Variants in CCDC40 observed in about 807,000 individuals in gnomAD.
CCDC40 encodes the protein coiled-coil domain-containing protein 40.
Under a neutral mutation model 124.5 loss-of-function variants are expected in CCDC40, and 104 were observed. The observed-to-expected ratio is 0.84, with a 90% CI of 0.71 to 0.98. The LOEUF (loss-of-function observed/expected upper bound fraction) is 0.98, where lower values mean the gene tolerates loss of function less well. Ranked by LOEUF, CCDC40 falls within the 50% of genes least tolerant of loss-of-function variation. The pLI is 0.00. For synonymous variants in CCDC40, 580 were observed against 602.9 expected (o/e 0.96, Z 0.56); for missense variants, 1,463 against 1,503.9 (o/e 0.97, Z 0.45).
At position 80,086,103 on chromosome 17, in the gene CCDC40, G is replaced by A. The variant is rs183809462; in HGVS notation, c.2336G>A (p.Arg779His). The A allele has an allele frequency of 8.3e-4, 1,343 of 1,614,142 alleles. 7 individuals carry two copies. In the African/African-American group the frequency reaches 0.012, roughly 15 times the overall value. Residue 779 changes from arginine (R) to histidine (H), a missense_variant, in exon 14 of 20, where the codon CGC (arginine) becomes CAC (histidine). By Grantham distance (29) the Arg-to-His change is conservative (BLOSUM62 0). Transcript: ENST00000397545. This position sits in a 1 kb window ranked among gnomAD's most constrained non-coding sequence, Gnocchi z 5.5. ...KAVQAQVTWL[R>H]LQQEMVKVTQ... ...GTCCAGGCCCAGGTGACCTGGCTGC[G>A]CCTGCAGCAGGAGATGGTCAAGGTG...
intron 19 of CCDC40, among the ~76,000 whole-genome samples, chr17:80,098,248 GGCGGCCCAGACTGTGT>G (rs1377130878): frequency 2.0e-5 from 3 of 152,228 alleles, no homozygotes; most frequent in Non-Finnish European, 2.9e-5. Context: ...GGCAGAGAGG[GGCGGCCCAGACTGTGT>G]GCGGCCTTAG....
intron 3 of CCDC40, 75 bp downstream of exon 3, chr17:80,040,345 G>A (rs575293919): frequency 3.0e-6 from 4 of 1,337,322 alleles, no homozygotes; most frequent in East Asian, 4.9e-5. Flanking sequence ...TGAGGAACTT[G>A]GGAATACATT....
At position 80,084,834 on chromosome 17, in the gene CCDC40, C is replaced by T. The variant is rs1257892727; in HGVS notation, c.2081C>T (p.Thr694Ile). The T allele has an allele frequency of 6.2e-7, 1 of 1,614,158 alleles. No individual in the cohort carries two copies. Among genetic ancestry groups the T allele is most frequent in the Non-Finnish European group, 8.5e-7 (1 of 1,179,984 alleles). ...TSSRLDAHQK[T>I]LVELDQDVKK... ...AGCAGGCTGGACGCACACCAGAAGA[C>T]CCTGGTGGAGCTGGACCAGGACGTG... The change falls in exon 13 of 20, where the codon ACC (threonine) becomes ATC (isoleucine). Residue 694 changes from threonine to isoleucine, a missense_variant. Physicochemically the swap from Thr to Ile is moderately conservative, Grantham distance 89 (BLOSUM62 -1). Transcript: ENST00000397545.
intron 9 of CCDC40, among the ~76,000 whole-genome samples, chr17:80,060,627 G>T (rs1346454891): frequency 1.3e-5 from 2 of 152,140 alleles, no homozygotes; most frequent in Non-Finnish European, 2.9e-5. Flanking sequence ...AACTATGAAA[G>T]ATCCAATGAA....
intron 9 of CCDC40, among the ~76,000 whole-genome samples, chr17:80,060,086 T>C (rs2037859379): frequency 2.0e-5 from 3 of 152,128 alleles, no homozygotes. Context: ...TAGCCAAGAA[T>C]GGTTTTGGAA....
At position 80,099,378 on chromosome 17, in the gene CCDC40, C is replaced by G. The variant is rs370230820; in HGVS notation, c.3181-149C>G. On this transcript the variant is annotated intron_variant, in intron 19 of 19. Transcript: ENST00000397545. The stretch of plus-strand genomic sequence containing the variant: ...TGCCTCTCAGCCTCTTCCCTGAGAT[C>G]CAGGGGCGCAACACCTTCACGCCGT... The G allele has an allele frequency of 1.4e-4, 120 of 868,264 alleles. No homozygotes were observed. In the African/African-American group the frequency reaches 1.7e-3, roughly 13 times the overall value. The allele number at this position is 868,264 out of a possible 1,614,324, so 53.8% of individuals were successfully genotyped here.
intron 19 of CCDC40, 149 bp from the exon 20 acceptor site, chr17:80,099,378 C>T: frequency 3.5e-6 from 3 of 868,264 alleles, no homozygotes; most frequent in Non-Finnish European, 5.6e-6. Flanking sequence ...TCCCTGAGAT[C>T]CAGGGGCGCA....
intron 7 of CCDC40, among the ~76,000 whole-genome samples, chr17:80,054,221 A>T (rs1181053174): frequency 1.3e-5 from 2 of 152,228 alleles, no homozygotes; most frequent in East Asian, 3.8e-4. Flanking sequence ...AAAGGAGATC[A>T]TGCAAGTAAC....
chr17:80,052,547 A>G (rs1283310004), intron 7 of CCDC40, among the ~76,000 whole-genome samples: 2 of 152,124 alleles, frequency 1.3e-5, no homozygotes, highest in Admixed American at 6.5e-5. Context: ...GTATCCTTCA[A>G]TCCAATCAAG....
chr17:80,068,840 G>T (rs567846018), intron 10 of CCDC40, among the ~76,000 whole-genome samples: 1 of 152,166 alleles, frequency 6.6e-6, no homozygotes, highest in Non-Finnish European at 1.5e-5. Context: ...CCAAAGAACC[G>T]AATGCTCCAC....
chr17:80,036,862 G>C (rs1483898814), intron 1 of CCDC40, 171 bp downstream of exon 1: 4 of 552,042 alleles, frequency 7.2e-6, no homozygotes, highest in Non-Finnish European at 9.0e-6. Flanking sequence ...CGTCCACTGC[G>C]TTCAGCCCCT....
intron 9 of CCDC40, among the ~76,000 whole-genome samples, chr17:80,064,523 C>T (rs1428474493): frequency 6.8e-6 from 1 of 147,724 alleles, no homozygotes; most frequent in South Asian, 2.1e-4. Flanking sequence ...ATGGAGGTGC[C>T]GCTCCTGTAC....
rs778612110 is a variant in CCDC40 at position 80,099,711 on chromosome 17, A to G, written c.3365A>G (p.Gln1122Arg). 6.2e-7 allele frequency: 1 copy of G among 1,613,790 alleles called. No homozygotes were observed. The highest frequency in any genetic ancestry group is 8.5e-7 in the Non-Finnish European group (1 of 1,179,996). Residue 1122 changes from glutamine to arginine, a missense_variant, in exon 20 of 20, where the codon CAG (glutamine) becomes CGG (arginine). By Grantham distance (43) the Gln-to-Arg change is conservative (BLOSUM62 1). Transcript: ENST00000397545. Reference protein sequence around the residue: ...DRVRDEYPQFQEALHKVSQMI... With the variant: ...DRVRDEYPQFREALHKVSQMI... The stretch of plus-strand genomic sequence containing the variant: ...GTGCGGGACGAGTACCCCCAGTTCC[A>G]GGAGGCCCTGCACAAGGTCAGCCAG...
At chr17:80,052,977 A>C (rs2037641528) in intron 7 of CCDC40, among the ~76,000 whole-genome samples, 1 of 152,238 alleles carries the variant, frequency 6.6e-6, no homozygotes. Context: ...GAATTTCTTA[A>C]CTAAAAAGCC....
rs112484891 is a variant in CCDC40, at chr17:80,088,311, G to A, written c.2711+209G>A. On this transcript the variant is annotated intron_variant, in intron 16 of 19. Coordinates refer to ENST00000397545, the MANE Select transcript of CCDC40 (RefSeq NM_017950.4). ...CTATCCCACAGGCTGGAGTGCAGCC[G>A]TGCGATCTCAGCTCACTGCAACCTC... 0.025 allele frequency: 15,377 copies of A among 605,700 alleles called. 1,480 individuals carry two copies. Among genetic ancestry groups the A allele is most frequent in the African/African-American group, 0.23 (12,531 of 54,830 alleles). 37.5% of individuals were successfully genotyped at this position (605,700 alleles called of 1,614,324 possible). A position where few individuals can be genotyped will look rare whatever the true frequency, so the allele number is the denominator to read the frequency against.
intron 10 of CCDC40, among the ~76,000 whole-genome samples, chr17:80,070,653 G>T (rs2038164724): frequency 6.6e-6 from 1 of 152,008 alleles, no homozygotes; most frequent in South Asian, 2.1e-4. Flanking sequence ...TAGACCTGTA[G>T]TCCCACCTAC....
intron 10 of CCDC40, chr17:80,068,001 C>T: frequency 9.4e-7 from 1 of 1,060,252 alleles, no homozygotes; most frequent in Non-Finnish European, 1.1e-6. Flanking sequence ...ACACCAAGGC[C>T]CCGGGGAGGA....
At position 80,090,267 on chromosome 17, in the gene CCDC40, G is replaced by A. The variant is rs1225304101; in HGVS notation, c.2832+383G>A. The stretch of plus-strand genomic sequence containing the variant: ...CACGAACAACACGGGACGCGCGCGG[G>A]CACGTGCACGAACAACACGGGACGC... On this transcript the variant is annotated intron_variant, in intron 17 of 19. Transcript: ENST00000397545. 5.6e-6 allele frequency: 6 copies of A among 1,080,588 alleles called. 1 individual carries two copies. Among genetic ancestry groups the A allele is most frequent in the South Asian group, 5.5e-5 (3 of 54,538 alleles). The allele number at this position is 1,080,588 out of a possible 1,614,324, so 66.9% of individuals were successfully genotyped here.
Position 80,086,268 on chromosome 17 carries a change from C to T in CCDC40, c.2449+52C>T, listed in dbSNP as rs1419673206. ...AGTGATGCTGAGACGAGCTCTGGGA[C>T]GTGGGCACCTCCCAGGGGAGGGGCA... On this transcript the variant is annotated intron_variant, in intron 14 of 19. Transcript: ENST00000397545. The surrounding 1 kb of genome is among the most constrained non-coding windows in gnomAD (Gnocchi z 5.5). The T allele has an allele frequency of 1.2e-5, 18 of 1,462,282 alleles. No individual in the cohort carries two copies. Among genetic ancestry groups the T allele is most frequent in the Admixed American group, 3.9e-5 (2 of 51,198 alleles). 90.6% of individuals were successfully genotyped at this position (1,462,282 alleles called of 1,614,324 possible).
Sources: allele counts gnomAD v4.1 joint callset (sites outside exome capture counted in the v4.1 genomes callset), GRCh38; gene constraint gnomAD v4.1.1; non-coding constraint Gnocchi (gnomAD v3.1); transcripts MANE v1.5; gene names NCBI Gene and HGNC (gene_info 2026-07-23, HGNC 2026-07-21).